GCNT1: variants seen among roughly 807,000 people sequenced by gnomAD.
GCNT1 encodes glucosaminyl (N-acetyl) transferase 1, also known as beta-1,3-galactosyl-O-glycosyl-glycoprotein beta-1,6-N-acetylglucosaminyltransferase.
In GCNT1, 16 loss-of-function variants were observed where a neutral mutation model predicts 26.2. The observed-to-expected ratio is 0.61, with a 90% CI of 0.41 to 0.93. GCNT1 has a LOEUF of 0.93. Ranked by LOEUF, GCNT1 falls within the 40% of genes least tolerant of loss-of-function variation. The pLI is 0.00. For synonymous variants in GCNT1, 183 were observed against 190.8 expected (o/e 0.96, Z 0.34); for missense variants, 477 against 526.7 (o/e 0.91, Z 0.92).
intron 1 of GCNT1, among the ~76,000 whole-genome samples, chr9:76,432,024 G>A (rs1353063481): frequency 2.0e-5 from 3 of 152,054 alleles, no homozygotes; most frequent in Admixed American, 6.6e-5. Flanking sequence ...CAGAAGAATC[G>A]CTTAAACCCG....
intron 2 of GCNT1, among the ~76,000 whole-genome samples, chr9:76,490,364 C>T (rs11144925): frequency 2.6e-4 from 39 of 152,042 alleles, no homozygotes; most frequent in African/African-American, 9.4e-4. Context: ...TATGAGAAAT[C>T]CTTTGAGAGT....
chr9:76,402,245 C>T, the GCNT1 span, among the ~76,000 whole-genome samples: 5 of 152,198 alleles, frequency 3.3e-5, no homozygotes, highest in African/African-American at 1.2e-4. Flanking sequence ...GTCAAAGAGG[C>T]ATATTTTTTG....
intron 3 of GCNT1, among the ~76,000 whole-genome samples, chr9:76,501,482 CA>C (rs1389991062): frequency 3.3e-5 from 5 of 152,170 alleles, no homozygotes. Flanking sequence ...ATAACTAATG[CA>C]GAAAACGCAA....
At chr9:76,429,470 A>C (rs889345591) in intron 1 of GCNT1, among the ~76,000 whole-genome samples, 3 of 152,334 alleles carry the variant, frequency 2.0e-5, no homozygotes, top group African/African-American at 7.2e-5. Flanking sequence ...TCCTTAATAC[A>C]GTGGCCTAAA....
At chr9:76,431,873 G>T (rs1225682038) in intron 1 of GCNT1, among the ~76,000 whole-genome samples, 2 of 152,136 alleles carry the variant, frequency 1.3e-5, no homozygotes, top group Non-Finnish European at 2.9e-5. Context: ...ACTTTGCGAG[G>T]CGAGGTGGAT....
At chr9:76,489,637 A>G (rs1438174765) in intron 2 of GCNT1, among the ~76,000 whole-genome samples, 2 of 152,198 alleles carry the variant, frequency 1.3e-5, no homozygotes, top group Non-Finnish European at 1.5e-5. Flanking sequence ...ACAATCCTCT[A>G]GCTAGACACA....
intron 2 of GCNT1, among the ~76,000 whole-genome samples, chr9:76,488,666 G>A (rs762620202): frequency 1.2e-4 from 19 of 152,100 alleles, no homozygotes; most frequent in Non-Finnish European, 2.5e-4. Context: ...TGTACTTTTA[G>A]TAGAAACAGG....
At chr9:76,412,532 A>G in the GCNT1 span, among the ~76,000 whole-genome samples, 1 of 152,222 alleles carries the variant, frequency 6.6e-6, no homozygotes, top group African/African-American at 2.4e-5. Flanking sequence ...ATTTCACAGG[A>G]TACACAATTC....
At chr9:76,452,375 A>G (rs1040078384) in intron 1 of GCNT1, among the ~76,000 whole-genome samples, 3 of 152,188 alleles carry the variant, frequency 2.0e-5, no homozygotes, top group Non-Finnish European at 4.4e-5. Context: ...ATTATGCTCC[A>G]CTAGTCTATC....
chr9:76,427,847 T>C (rs1361554764), intron 1 of GCNT1, among the ~76,000 whole-genome samples: 1 of 152,020 alleles, frequency 6.6e-6, no homozygotes, highest in Non-Finnish European at 1.5e-5. Context: ...ATCAGCGTGG[T>C]AGCACACACC....
At chr9:76,441,227 C>T (rs1399017498), upstream of GCNT1, among the ~76,000 whole-genome samples, 2 of 152,070 alleles carry the variant, frequency 1.3e-5, no homozygotes, top group South Asian at 2.1e-4. Flanking sequence ...CTCACTGCAA[C>T]ATCCGCCTCC....
the GCNT1 span, among the ~76,000 whole-genome samples, chr9:76,410,683 T>C: frequency 1.3e-5 from 2 of 152,192 alleles, no homozygotes; most frequent in Non-Finnish European, 2.9e-5. Flanking sequence ...CTTGTTCCAT[T>C]TGAGTCTGAG....
At chr9:76,471,283 C>CCTA (rs1277267162) in intron 2 of GCNT1, among the ~76,000 whole-genome samples, 2 of 152,142 alleles carry the variant, frequency 1.3e-5, no homozygotes, top group African/African-American at 4.8e-5. Context: ...ACCTCGGCCT[C>CCTA]CTAAAGTGCT....
chr9:76,401,384 G>A, the GCNT1 span, among the ~76,000 whole-genome samples: 1 of 152,040 alleles, frequency 6.6e-6, no homozygotes, highest in Admixed American at 6.6e-5. Flanking sequence ...GCCTGCCTTG[G>A]CCTCCTGCAT....
At chr9:76,482,453 C>G (rs538487229) in intron 2 of GCNT1, among the ~76,000 whole-genome samples, 1 of 146,836 alleles carries the variant, frequency 6.8e-6, no homozygotes, top group East Asian at 2.1e-4. Context: ...AACCCTGTCT[C>G]TACTAAAAAT....
At chr9:76,490,445 C>T (rs112541114) in intron 2 of GCNT1, among the ~76,000 whole-genome samples, 11,082 of 152,142 alleles carry the variant, frequency 0.073, 1,282 homozygotes, top group African/African-American at 0.25. Context: ...TAACCCTATA[C>T]GTAGAGGTAT....
chr9:76,428,788 C>A (rs1397696393), intron 1 of GCNT1, among the ~76,000 whole-genome samples: 1 of 150,060 alleles, frequency 6.7e-6, no homozygotes, highest in African/African-American at 2.5e-5. Flanking sequence ...GCAACCTCTG[C>A]CTCCTGGGTT....
intron 1 of GCNT1, among the ~76,000 whole-genome samples, chr9:76,449,200 G>C (rs1304750774): frequency 6.6e-6 from 1 of 151,876 alleles, no homozygotes; most frequent in Non-Finnish European, 1.5e-5. Flanking sequence ...GGGCGGGGTA[G>C]TGTGTACCTG....
chr9:76,499,050 A>ATTT (rs34354937), intron 2 of GCNT1, among the ~76,000 whole-genome samples: 153 of 150,732 alleles, frequency 1.0e-3, no homozygotes, highest in African/African-American at 1.3e-3. Context: ...GCTAGTGATA[A>ATTT]TTTTTTTTTT....
Sources: gnomAD v4.1 joint callset for allele counts (sites outside exome capture counted in the v4.1 genomes callset) on GRCh38, gnomAD v4.1.1 for gene constraint, MANE v1.5 for transcripts, NCBI Gene and HGNC (gene_info 2026-07-23, HGNC 2026-07-21) for gene names.